Variants in PCBP3 observed in about 807,000 individuals in gnomAD.
PCBP3 encodes poly(rC) binding protein 3, also known as poly(rC)-binding protein 3.
A neutral mutation model predicts 52.7 loss-of-function variants in PCBP3; 25 were observed. The observed-to-expected ratio is 0.47, with a 90% confidence interval of 0.35 to 0.66. The LOEUF (loss-of-function observed/expected upper bound fraction) is 0.66, where lower values mean the gene tolerates loss of function less well. Ranked by LOEUF, PCBP3 falls within the 30% of genes least tolerant of loss-of-function variation. The pLI is 0.01. For missense variants in PCBP3, 391 were observed against 490.3 expected (o/e 0.80, Z 1.91); for synonymous variants, 162 against 183.0 (o/e 0.89, Z 0.93).
At chr21:45,856,857 G>A (rs2094318500) in intron 5 of PCBP3, among the ~76,000 whole-genome samples, 1 of 152,168 alleles carries the variant, frequency 6.6e-6, no homozygotes, top group Non-Finnish European at 1.5e-5. Flanking sequence ...AAATACATTG[G>A]TTTGGTCCAG....
chr21:45,682,898 C>T (rs1345426293), intron 2 of PCBP3, among the ~76,000 whole-genome samples: 3 of 152,062 alleles, frequency 2.0e-5, no homozygotes, highest in Non-Finnish European at 2.9e-5. Flanking sequence ...GATTCATCAG[C>T]CCATAGGAGC....
intron 13 of PCBP3, among the ~76,000 whole-genome samples, chr21:45,920,050 G>C (rs541025951): frequency 9.2e-5 from 14 of 152,152 alleles, no homozygotes; most frequent in Admixed American, 7.2e-4. Flanking sequence ...GGTTCCAAAG[G>C]GGGGGTCACT....
intron 13 of PCBP3, chr21:45,918,345 G>A (rs1432353786): frequency 6.7e-6 from 1 of 149,386 alleles, no homozygotes; most frequent in Admixed American, 6.7e-5. Context: ...TGTAATTCCA[G>A]TGCTGGGGGA....
intron 4 of PCBP3, among the ~76,000 whole-genome samples, chr21:45,766,272 C>T (rs1005997111): frequency 1.7e-4 from 26 of 152,216 alleles, no homozygotes; most frequent in Admixed American, 1.4e-3. Context: ...AGCGATGGAC[C>T]GGATTGTGCC....
At chr21:45,876,869 G>A (rs574795002) in intron 5 of PCBP3, among the ~76,000 whole-genome samples, 7 of 152,238 alleles carry the variant, frequency 4.6e-5, no homozygotes, top group Non-Finnish European at 7.3e-5. Context: ...GGCCAGAGCC[G>A]CTGGCTGCGA....
intron 3 of PCBP3, chr21:45,747,937 T>C (rs2087053082): frequency 6.6e-6 from 1 of 152,192 alleles, no homozygotes; most frequent in Admixed American, 6.5e-5. Context: ...TCCCGGAGGT[T>C]GAGATCAGAT....
At chr21:45,887,663 C>A (rs2095553376) in intron 5 of PCBP3, among the ~76,000 whole-genome samples, 1 of 152,212 alleles carries the variant, frequency 6.6e-6, no homozygotes, top group African/African-American at 2.4e-5. Flanking sequence ...CGTCGCCATT[C>A]CGGGCACCTA....
At chr21:45,871,356 G>A in intron 5 of PCBP3, 1 of 161,534 alleles carries the variant, frequency 6.2e-6, no homozygotes, top group Non-Finnish European at 1.4e-5. Context: ...CCAGTGCCCT[G>A]GAGAGCTGGT....
intron 17 of PCBP3, 99 bp from the exon 18 acceptor site, chr21:45,941,571 C>T (rs1473163385): frequency 2.9e-5 from 32 of 1,092,246 alleles, no homozygotes; most frequent in Non-Finnish European, 4.3e-5. Flanking sequence ...TGGCCTGTCC[C>T]AGCGAGCACA....
At chr21:45,647,319 T>C (rs2079381733) in intron 1 of PCBP3, among the ~76,000 whole-genome samples, 1 of 152,208 alleles carries the variant, frequency 6.6e-6, no homozygotes, top group Admixed American at 6.5e-5. Context: ...TGTTTGCCAT[T>C]TCCTATGCTA....
chr21:45,643,908 C>T (rs1274826781), intron 1 of PCBP3, 40 bp downstream of exon 1: 4 of 148,976 alleles, frequency 2.7e-5, no homozygotes, highest in Non-Finnish European at 6.0e-5. Flanking sequence ...GTCGGGCGCC[C>T]TTGCGGGTTA....
intron 4 of PCBP3, among the ~76,000 whole-genome samples, chr21:45,780,303 G>T (rs2090544101): frequency 6.6e-6 from 1 of 152,196 alleles, no homozygotes; most frequent in Admixed American, 6.5e-5. Flanking sequence ...TGCTCTTCAA[G>T]ATACACTGTT....
At chr21:45,753,279 TA>T (rs1374324215) in intron 3 of PCBP3, among the ~76,000 whole-genome samples, 1 of 152,160 alleles carries the variant, frequency 6.6e-6, no homozygotes, top group African/African-American at 2.4e-5. Flanking sequence ...TAGGTCTACG[TA>T]AGTTTAGAAT....
intron 4 of PCBP3, among the ~76,000 whole-genome samples, chr21:45,789,383 T>C (rs1034241519): frequency 2.0e-5 from 3 of 152,186 alleles, no homozygotes; most frequent in Admixed American, 6.5e-5. Context: ...TGCCTATGAG[T>C]GCACGAGTGT....
rs1179256953 is a variant in PCBP3 at position 45,860,869 on chromosome 21, A to AC, written c.10+10779dup. On this transcript the variant is annotated intron_variant, in intron 5 of 17. Coordinates refer to ENST00000681687, the MANE Select transcript of PCBP3 (RefSeq NM_001384156.1). ...TGGCGAGGAGCAGCCCTTGGCAGCG[A>AC]CCCCCGTGGAGGTGCAGTGCTCGCC... Among the ~76,000 whole-genome samples, 4 of 151,062 alleles carry AC rather than the reference A, an allele frequency of 2.6e-5. No individual in the cohort carries two copies. In the East Asian group the frequency reaches 7.8e-4, roughly 30 times the overall value.
chr21:45,673,221 GAATT>G (rs1366666630), intron 2 of PCBP3, among the ~76,000 whole-genome samples: 4 of 152,124 alleles, frequency 2.6e-5, no homozygotes, highest in African/African-American at 9.7e-5. Context: ...CTTTCTTTGG[GAATT>G]AATTATTTGA....
chr21:45,790,154 A>T (rs957503000), intron 4 of PCBP3, among the ~76,000 whole-genome samples: 2 of 152,082 alleles, frequency 1.3e-5, no homozygotes, highest in African/African-American at 4.8e-5. Flanking sequence ...AAAAAGAAAA[A>T]GAATAGTCTC....
At chr21:45,751,353 A>T (rs973436235) in intron 3 of PCBP3, 2 of 152,098 alleles carry the variant, frequency 1.3e-5, no homozygotes. Context: ...ATAACATTAC[A>T]TTTGCTATTT....
rs2083694589 is a variant in PCBP3, at chr21:45,709,605, G to A, written c.-199-25787G>A. On this transcript the variant is annotated intron_variant, in intron 2 of 17. Coordinates refer to ENST00000681687, the MANE Select transcript of PCBP3 (RefSeq NM_001384156.1). ...TTAATATTTTTTCTGATTTTAGAATGGTGTTAGATTTACAGAATTATGATG... is the reference window on the plus strand; with the variant it reads ...TTAATATTTTTTCTGATTTTAGAATAGTGTTAGATTTACAGAATTATGATG... Among the ~76,000 whole-genome samples the A allele has an allele frequency of 2.0e-5, 3 of 151,938 alleles. No homozygotes were observed. The South Asian group carries it at 6.3e-4, about 32-fold the overall frequency.
Sources: allele counts gnomAD v4.1 joint callset (sites outside exome capture counted in the v4.1 genomes callset), GRCh38; gene constraint gnomAD v4.1.1; transcripts MANE v1.5; gene names NCBI Gene and HGNC (gene_info 2026-07-23, HGNC 2026-07-21).